The following OR52E4 variants were observed in gnomAD, a reference collection of about 807,000 sequenced individuals.
OR52E4 encodes the protein olfactory receptor 52E4.
For synonymous variants in OR52E4, 169 were observed against 137.4 expected, an observed-to-expected ratio of 1.23 and a Z score of -1.61; for missense variants, 444 against 383.8, an observed-to-expected ratio of 1.16 and a Z score of -1.31.
rs1847034900 is a variant in OR52E4 at position 5,885,811 on chromosome 11, T to C, written c.*580T>C. 1 of 152,100 alleles carries C rather than the reference T, an allele frequency of 6.6e-6. No homozygotes were observed. The highest frequency in any genetic ancestry group is 2.1e-4 in the South Asian group (1 of 4,832). The allele number at this position is 152,100 out of a possible 1,614,324, so 9.4% of individuals were successfully genotyped here. On this transcript the variant is annotated 3_prime_UTR_variant, in exon 2 of 2. Transcript: ENST00000641726. ...TTTTTGTGATGGTTAATACTGAGTGTCAACTTTATTTGACTGAAGGATACA... is the reference window on the plus strand; with the variant it reads ...TTTTTGTGATGGTTAATACTGAGTGCCAACTTTATTTGACTGAAGGATACA...
At chr11:5,883,509 T>C (rs1846991935) in intron 1 of OR52E4, among the ~76,000 whole-genome samples, 1 of 151,946 alleles carries the variant, frequency 6.6e-6, no homozygotes, top group African/African-American at 2.4e-5. Flanking sequence ...TTTTAGTTTC[T>C]CTGAATTACA....
intron 1 of OR52E4, among the ~76,000 whole-genome samples, chr11:5,883,491 A>G (rs1846991826): frequency 6.6e-6 from 1 of 151,952 alleles, no homozygotes; most frequent in African/African-American, 2.4e-5. Context: ...CTATTGAGAT[A>G]CTCAGAATTT....
Position 5,883,308 on chromosome 11 carries a change from G to T in OR52E4, c.-74-911G>T, listed in dbSNP as rs78526540. 4.9e-3 allele frequency among the ~76,000 whole-genome samples: 747 copies of T among 152,104 alleles called. 5 individuals carry two copies. The highest frequency in any genetic ancestry group is 0.016 in the African/African-American group (684 of 41,522). ...TTAGTAATTAATCCATAATAGAAATGCACTTATCAGTTTAGCTGAGTTAGA... is the reference window on the plus strand; with the variant it reads ...TTAGTAATTAATCCATAATAGAAATTCACTTATCAGTTTAGCTGAGTTAGA... On this transcript the variant is annotated intron_variant, in intron 1 of 1. Coordinates refer to ENST00000641726, the MANE Select transcript of OR52E4 (RefSeq NM_001005165.2).
intron 1 of OR52E4, among the ~76,000 whole-genome samples, chr11:5,883,565 TTAA>T (rs1846993109): frequency 1.3e-5 from 2 of 151,612 alleles, no homozygotes; most frequent in Admixed American, 6.6e-5. Context: ...ATTTAAATAT[TTAA>T]TATTAAAATA....
At position 5,884,345 on chromosome 11, in the gene OR52E4, G is replaced by A. The variant is rs577200530; in HGVS notation, c.53G>A (p.Gly18Glu). ...HFYPPFFLLLGIPGLDTLHIW... is the reference protein window; with the variant it reads ...HFYPPFFLLLEIPGLDTLHIW... ...TATCCCCCCTTCTTCCTCCTGCTAG[G>A]AATACCAGGACTGGACACTTTACAT... is the stretch of plus-strand genomic sequence containing the variant. Residue 18 changes from glycine (G) to glutamate (E), a missense_variant, in exon 2 of 2, where the codon GGA becomes GAA. By Grantham distance (98) the Gly-to-Glu change is moderately conservative. Coordinates refer to ENST00000641726, the MANE Select transcript of OR52E4 (RefSeq NM_001005165.2). 6 of 1,612,884 alleles carry A rather than the reference G, an allele frequency of 3.7e-6. No homozygotes were observed. In the South Asian group the frequency reaches 6.6e-5, roughly 18 times the overall value.
At position 5,884,284 on chromosome 11, in the gene OR52E4, G is replaced by T; in HGVS notation, c.-9G>T. On this transcript the variant is annotated 5_prime_UTR_variant, in exon 2 of 2. Coordinates refer to ENST00000641726, the MANE Select transcript of OR52E4 (RefSeq NM_001005165.2). ...CATACTTAGGAATTCAGTGACACTTGCTGGGAGAATGCCTTCTATCAATGA... is the reference window on the plus strand; with the variant it reads ...CATACTTAGGAATTCAGTGACACTTTCTGGGAGAATGCCTTCTATCAATGA... 3 of 1,587,494 alleles carry T rather than the reference G, an allele frequency of 1.9e-6. No homozygotes were observed. The highest frequency in any genetic ancestry group is 2.6e-6 in the Non-Finnish European group (3 of 1,162,738).
rs1022419575 is a variant in OR52E4 at position 5,885,494 on chromosome 11, C to T, written c.*263C>T. On this transcript the variant is annotated 3_prime_UTR_variant, in exon 2 of 2. Transcript: ENST00000641726. The stretch of plus-strand genomic sequence containing the variant: ...AGGTTGAGGTGGCTTTGGAGTAGAA[C>T]TGCTTGTAAACAAGGGTGATAGGTA... The T allele has an allele frequency of 2.9e-6, 1 of 350,466 alleles. No homozygotes were observed. Among genetic ancestry groups the T allele is most frequent in the African/African-American group, 2.1e-5 (1 of 47,212 alleles). The allele number at this position is 350,466 out of a possible 1,614,324, so 21.7% of individuals were successfully genotyped here.
rs1189900049 is a variant in OR52E4, at chr11:5,885,088, G to C, written c.796G>C (p.Gly266Arg). 6.2e-7 allele frequency: 1 copy of C among 1,612,920 alleles called. No homozygotes were observed. The highest frequency in any genetic ancestry group is 1.3e-5 in the African/African-American group (1 of 74,660). The change falls in exon 2 of 2, where the codon GGC (glycine) becomes CGC (arginine). Residue 266 changes from glycine to arginine, a missense_variant. By Grantham distance (125) the Gly-to-Arg change is moderately radical. Transcript: ENST00000641726. ...AFFSFMTHRF[G>R]QNIPHYIHIL... ...TTTTTCTTTTATGACACATCGTTTT[G>C]GCCAAAACATTCCCCACTATATCCA...
rs1241913837 is a variant in OR52E4, at chr11:5,885,191, T to C, written c.899T>C (p.Ile300Thr). The C allele has an allele frequency of 6.3e-7, 1 of 1,599,084 alleles. No homozygotes were observed. The highest frequency in any genetic ancestry group is 1.8e-5 in the Admixed American group (1 of 56,776). Reference protein sequence around the residue: ...PVIYGVRTKQIREQIVKIFVQ... With the variant: ...PVIYGVRTKQTREQIVKIFVQ... ...ATTTATGGAGTCAGGACCAAGCAGA[T>C]CCGAGAGCAAATTGTGAAAATATTT... Residue 300 changes from isoleucine (I) to threonine (T), a missense_variant, in exon 2 of 2, where the codon ATC (isoleucine) becomes ACC (threonine). Physicochemically the swap from Ile to Thr is moderately conservative, Grantham distance 89 (BLOSUM62 -1). Coordinates refer to ENST00000641726, the MANE Select transcript of OR52E4 (RefSeq NM_001005165.2).
At position 5,884,431 on chromosome 11, in the gene OR52E4, A is replaced by G. The variant is rs112835699; in HGVS notation, c.139A>G (p.Ile47Val). 16 of 1,613,410 alleles carry G rather than the reference A, an allele frequency of 9.9e-6. No homozygotes were observed. Among genetic ancestry groups the G allele is most frequent in the African/African-American group, 8.0e-5 (6 of 74,924 alleles). ...YLIAIVGNMT[I>V]LFVIKTEHSL... Reference sequence around the variant, plus strand: ...GATTGCCATTGTGGGGAATATGACCATTCTCTTTGTGATCAAAACTGAACA... The same window carrying G: ...GATTGCCATTGTGGGGAATATGACCGTTCTCTTTGTGATCAAAACTGAACA... Residue 47 changes from isoleucine to valine, a missense_variant, in exon 2 of 2, where the codon ATT becomes GTT. Coordinates refer to ENST00000641726, the MANE Select transcript of OR52E4 (RefSeq NM_001005165.2).
chr11:5,880,940 C>T lies in OR52E4; in HGVS notation c.-75+226C>T, dbSNP rs76378148. On this transcript the variant is annotated intron_variant, in intron 1 of 1. Coordinates refer to ENST00000641726, the MANE Select transcript of OR52E4 (RefSeq NM_001005165.2). ...CTGTCTGTGTATCTCTCTCTCTCCC[C>T]CCTTTCTCTCTGCCCCTCTCTCTTA... is the stretch of plus-strand genomic sequence containing the variant. 3.3e-3 allele frequency among the ~76,000 whole-genome samples: 503 copies of T among 152,040 alleles called. 8 individuals are homozygous for T. The East Asian group carries it at 0.055, about 17-fold the overall frequency.
chr11:5,880,884 G>T (rs1422840121), intron 1 of OR52E4, among the ~76,000 whole-genome samples, 170 bp downstream of exon 1: 5 of 35,388 alleles, frequency 1.4e-4, no homozygotes, highest in Non-Finnish European at 2.9e-4. Context: ...GGTGAGGGCA[G>T]TGGTGTACCA....
In OR52E4 at chr11:5,885,252, A is replaced by G; in HGVS notation, c.*21A>G. On this transcript the variant is annotated 3_prime_UTR_variant, in exon 2 of 2. Transcript: ENST00000641726. ...AATAATTCTGTATTAAAGTTTGGAT[A>G]AATATATCTATATACAACCCAAATT... 1 of 1,477,316 alleles carries G rather than the reference A, an allele frequency of 6.8e-7. No homozygotes were observed. Among genetic ancestry groups the G allele is most frequent in the Non-Finnish European group, 9.2e-7 (1 of 1,085,608 alleles). The allele number at this position is 1,477,316 out of a possible 1,614,324, so 91.5% of individuals were successfully genotyped here. A position where few individuals can be genotyped will look rare whatever the true frequency, so the allele number is the denominator to read the frequency against.
At chr11:5,881,231 T>C (rs2134273372) in intron 1 of OR52E4, among the ~76,000 whole-genome samples, 1 of 152,282 alleles carries the variant, frequency 6.6e-6, no homozygotes, top group East Asian at 1.9e-4. Flanking sequence ...GAATTTAATG[T>C]TGCCAGTTGT....
chr11:5,882,499 T>A (rs758834927), intron 1 of OR52E4, among the ~76,000 whole-genome samples: 1 of 151,984 alleles, frequency 6.6e-6, no homozygotes, highest in African/African-American at 2.4e-5. Flanking sequence ...TGTTCTTTTT[T>A]CAATTTTCTC....
At position 5,884,347 on chromosome 11, in the gene OR52E4, A is replaced by G. The variant is rs1373580562; in HGVS notation, c.55A>G (p.Ile19Val). The change falls in exon 2 of 2, where the codon ATA (isoleucine) becomes GTA (valine). Residue 19 changes from isoleucine to valine, a missense_variant. Coordinates refer to ENST00000641726, the MANE Select transcript of OR52E4 (RefSeq NM_001005165.2). Reference sequence around the variant, plus strand: ...TCCCCCCTTCTTCCTCCTGCTAGGAATACCAGGACTGGACACTTTACATAT... The same window carrying G: ...TCCCCCCTTCTTCCTCCTGCTAGGAGTACCAGGACTGGACACTTTACATAT... ...FYPPFFLLLG[I>V]PGLDTLHIWI... 2 of 1,613,034 alleles carry G rather than the reference A, an allele frequency of 1.2e-6. No individual in the cohort carries two copies. The highest frequency in any genetic ancestry group is 1.7e-6 in the Non-Finnish European group (2 of 1,179,332).
chr11:5,884,963 G>A lies in OR52E4; in HGVS notation c.671G>A (p.Arg224Lys), dbSNP rs137865578. The A allele has an allele frequency of 5.2e-4, 846 of 1,612,422 alleles. 2 individuals are homozygous for A. The African/African-American group carries it at 9.8e-3, about 19-fold the overall frequency. ...GCCTCTTCCTATGTGCTTATCCTTA[G>A]AGCTGTTTTTCGCCTTCCCTCTCAA... ...LIASSYVLIL[R>K]AVFRLPSQDV... The change falls in exon 2 of 2, where the codon AGA (arginine) becomes AAA (lysine). Residue 224 changes from arginine (R) to lysine (K), a missense_variant. Coordinates refer to ENST00000641726, the MANE Select transcript of OR52E4 (RefSeq NM_001005165.2).
In OR52E4 at chr11:5,885,492, A is replaced by T; in HGVS notation, c.*261A>T. 2.8e-6 allele frequency: 1 copy of T among 353,002 alleles called. No individual in the cohort carries two copies. The highest frequency in any genetic ancestry group is 7.7e-4 in the Middle Eastern group (1 of 1,298). The allele number at this position is 353,002 out of a possible 1,614,324, so 21.9% of individuals were successfully genotyped here. ...GAAGGTTGAGGTGGCTTTGGAGTAG[A>T]ACTGCTTGTAAACAAGGGTGATAGG... On this transcript the variant is annotated 3_prime_UTR_variant, in exon 2 of 2. Coordinates refer to ENST00000641726, the MANE Select transcript of OR52E4 (RefSeq NM_001005165.2).
rs745798260 is a variant in OR52E4, at chr11:5,884,883, C to T, written c.591C>T (p.Asn197=). ...AGLACAPIKI[N]IIYGLMVISY... ...TGGCCTGTGCACCCATTAAGATCAA[C>T]ATAATCTATGGGCTCATGGTGATTT... Residue 197 remains asparagine, a synonymous_variant, in exon 2 of 2, where the codon AAC becomes AAT. Coordinates refer to ENST00000641726, the MANE Select transcript of OR52E4 (RefSeq NM_001005165.2). The T allele has an allele frequency of 1.9e-6, 3 of 1,613,160 alleles. No homozygotes were observed. Among genetic ancestry groups the T allele is most frequent in the East Asian group, 4.5e-5 (2 of 44,830 alleles).
Sources: gnomAD v4.1 joint callset for allele counts (sites outside exome capture counted in the v4.1 genomes callset) on GRCh38, gnomAD v4.1.1 for gene constraint, MANE v1.5 for transcripts, NCBI Gene and HGNC (gene_info 2026-07-23, HGNC 2026-07-21) for gene names.